Variants in CRYL1 observed in about 807,000 individuals in gnomAD.
CRYL1 encodes crystallin lambda 1, also known as lambda-crystallin homolog.
CRYL1 carries 29 observed loss-of-function variants against 36.6 expected under a neutral mutation model. That is an observed-to-expected ratio of 0.79 (90% CI 0.59 to 1.08). The LOEUF is 1.08. CRYL1 is among the 50% of genes least tolerant of loss of function. The probability of loss-of-function intolerance (pLI) is 0.00; values close to 1 mark genes in which losing one functional copy is unlikely to be tolerated. For synonymous variants in CRYL1, 152 were observed against 151.5 expected (o/e 1.00, Z -0.02); for missense variants, 411 against 407.9 (o/e 1.01, Z -0.06).
At chr13:20,443,036 C>T (rs2032380612) in intron 3 of CRYL1, among the ~76,000 whole-genome samples, 2 of 152,182 alleles carry the variant, frequency 1.3e-5, no homozygotes, top group Non-Finnish European at 2.9e-5. Flanking sequence ...CCCTGCCTTT[C>T]CTGAAGGGAA....
chr13:20,492,680 C>T (rs2033533812), intron 2 of CRYL1, among the ~76,000 whole-genome samples: 1 of 152,192 alleles, frequency 6.6e-6, no homozygotes, highest in African/African-American at 2.4e-5. Context: ...ATAATCTCCC[C>T]ATCTTGCCAT....
chr13:20,524,110 G>T (rs10459364), intron 1 of CRYL1, among the ~76,000 whole-genome samples: 1 of 152,056 alleles, frequency 6.6e-6, no homozygotes, highest in Non-Finnish European at 1.5e-5. Flanking sequence ...AAAATCAGCC[G>T]GGTATGGTGA....
chr13:20,477,863 A>C (rs1434728905), intron 3 of CRYL1, among the ~76,000 whole-genome samples: 1 of 123,570 alleles, frequency 8.1e-6, no homozygotes, highest in Non-Finnish European at 1.6e-5. Context: ...AGTATAATAT[A>C]TATTATATGA....
intron 5 of CRYL1, among the ~76,000 whole-genome samples, chr13:20,421,070 A>C (rs1008300454): frequency 3.4e-4 from 51 of 152,164 alleles, no homozygotes; most frequent in Middle Eastern, 3.4e-3. Flanking sequence ...ACAAACAAAA[A>C]AAAAAATGGA....
At chr13:20,483,907 C>T (rs1482670067) in intron 3 of CRYL1, among the ~76,000 whole-genome samples, 1 of 152,188 alleles carries the variant, frequency 6.6e-6, no homozygotes, top group Non-Finnish European at 1.5e-5. Flanking sequence ...ACCTCCACCT[C>T]GCAGGTTCAA....
At position 20,512,531 on chromosome 13, in the gene CRYL1, A is replaced by G; in HGVS notation, c.61T>C (p.Trp21Arg). 1.2e-6 allele frequency: 2 copies of G among 1,613,918 alleles called. No individual in the cohort carries two copies. Among genetic ancestry groups the G allele is most frequent in the Non-Finnish European group, 1.7e-6 (2 of 1,179,836 alleles). The change falls in exon 2 of 8, where the codon TGG (tryptophan) becomes CGG (arginine). Residue 21 changes from tryptophan to arginine, a missense_variant. By Grantham distance (101) the Trp-to-Arg change is moderately radical. Coordinates refer to ENST00000298248, the MANE Select transcript of CRYL1 (RefSeq NM_015974.3). ...CCTCCACTGGCAAACAGCATGGCCC[A>G]GCTTCGCCCAATGACTCCACTGAAG... ...IVGSGVIGRS[W>R]AMLFASGGFQ... is the part of the protein sequence containing the mutation.
chr13:20,458,869 T>C (rs1331462757), intron 3 of CRYL1, among the ~76,000 whole-genome samples: 1 of 152,190 alleles, frequency 6.6e-6, no homozygotes, highest in Non-Finnish European at 1.5e-5. Context: ...AAGCTACATA[T>C]TAAAAATTTC....
At chr13:20,458,538 A>G (rs1181502182) in intron 3 of CRYL1, among the ~76,000 whole-genome samples, 1 of 152,252 alleles carries the variant, frequency 6.6e-6, no homozygotes, top group Non-Finnish European at 1.5e-5. Context: ...GCTAACCTTA[A>G]TTTTAATAAC....
chr13:20,447,523 C>A (rs189700830), intron 3 of CRYL1, among the ~76,000 whole-genome samples: 2 of 152,056 alleles, frequency 1.3e-5, no homozygotes. Context: ...CACCACCCCC[C>A]CTCCCTAGGC....
chr13:20,431,355 A>G, intron 5 of CRYL1: 4 of 985,300 alleles, frequency 4.1e-6, no homozygotes, highest in Non-Finnish European at 4.8e-6. Context: ...GCCTTCCACA[A>G]TGTTTTTGCA....
chr13:20,424,955 G>A (rs112774416), intron 5 of CRYL1, among the ~76,000 whole-genome samples: 1,676 of 152,246 alleles, frequency 0.011, 37 homozygotes, highest in African/African-American at 0.038. Context: ...GGCATGGTGC[G>A]GAGGCCAGAC....
At position 20,420,701 on chromosome 13, in the gene CRYL1, T is replaced by TTTTTTTTTTTTTGTGTG; in HGVS notation, c.634-7315_634-7314insCACACAAAAAAAAAAAA. 3.0e-3 allele frequency among the ~76,000 whole-genome samples: 65 copies of TTTTTTTTTTTTTGTGTG among 21,866 alleles called. 6 individuals are homozygous for TTTTTTTTTTTTTGTGTG. The highest frequency in any genetic ancestry group is 6.6e-3 in the Non-Finnish European group (48 of 7,316). The allele number at this position is 21,866 out of a possible 152,430, so 14.3% of individuals were successfully genotyped here. ...CTTTGACTTTTCTTTAAAATAGAGGTTGTGTGTGTGTGTGTGTGTGTGTGT... is the reference window on the plus strand; with the variant it reads ...CTTTGACTTTTCTTTAAAATAGAGGTTTTTTTTTTTTTGTGTGTGTGTGTGTGTGTGTGTGTGTGTGT... On this transcript the variant is annotated intron_variant, in intron 5 of 7. Coordinates refer to ENST00000298248, the MANE Select transcript of CRYL1 (RefSeq NM_015974.3).
chr13:20,494,868 C>T (rs1016844021), intron 2 of CRYL1, among the ~76,000 whole-genome samples: 3 of 152,180 alleles, frequency 2.0e-5, no homozygotes, highest in Non-Finnish European at 4.4e-5. Flanking sequence ...GCCCTTCCTC[C>T]CTGGGCAGCA....
chr13:20,452,779 A>C (rs2032598150), intron 3 of CRYL1, among the ~76,000 whole-genome samples: 1 of 152,134 alleles, frequency 6.6e-6, no homozygotes, highest in African/African-American at 2.4e-5. Flanking sequence ...GTTGCTGATA[A>C]TGGGGGAGGC....
intron 6 of CRYL1, among the ~76,000 whole-genome samples, chr13:20,407,517 C>G (rs554224674): frequency 6.6e-6 from 1 of 152,102 alleles, no homozygotes; most frequent in African/African-American, 2.4e-5. Flanking sequence ...CTCTAAAATG[C>G]CAATTTCTTT....
chr13:20,453,109 GA>G (rs1400122376), intron 3 of CRYL1, among the ~76,000 whole-genome samples: 46 of 152,274 alleles, frequency 3.0e-4, no homozygotes, highest in African/African-American at 1.1e-3. Context: ...CAACCAACTT[GA>G]TCTACTTGAC....
At position 20,415,791 on chromosome 13, in the gene CRYL1, G is replaced by C. The variant is rs2031648087; in HGVS notation, c.634-2404C>G. ...TGGCCGCCCGTGTTCACATTCCTCA[G>C]CTGCAGCGTTTGCTGCTGGCCCATT... On this transcript the variant is annotated intron_variant, in intron 5 of 7. Transcript: ENST00000298248. This position sits in a 1 kb window ranked among gnomAD's most constrained non-coding sequence, Gnocchi z 4.1. 6.6e-6 allele frequency among the ~76,000 whole-genome samples: 1 copy of C among 152,212 alleles called. No homozygotes were observed. Among genetic ancestry groups the C allele is most frequent in the Non-Finnish European group, 1.5e-5 (1 of 68,042 alleles).
chr13:20,523,177 A>C (rs1422322956), intron 1 of CRYL1, among the ~76,000 whole-genome samples: 1 of 151,964 alleles, frequency 6.6e-6, no homozygotes, highest in East Asian at 1.9e-4. Context: ...TAGGCCTCCC[A>C]AAGTGCTGAG....
At chr13:20,440,283 G>T (rs1421070618) in intron 3 of CRYL1, among the ~76,000 whole-genome samples, 1 of 152,112 alleles carries the variant, frequency 6.6e-6, no homozygotes, top group African/African-American at 2.4e-5. Flanking sequence ...AAATACATCT[G>T]TATGTTTCTC....
Sources: allele counts gnomAD v4.1 joint callset (sites outside exome capture counted in the v4.1 genomes callset), GRCh38; gene constraint gnomAD v4.1.1; non-coding constraint Gnocchi (gnomAD v3.1); transcripts MANE v1.5; gene names NCBI Gene and HGNC (gene_info 2026-07-23, HGNC 2026-07-21).